TDRD12: variants seen among roughly 807,000 people sequenced by gnomAD.
TDRD12 encodes putative ATP-dependent RNA helicase TDRD12.
Under a neutral mutation model 133.5 loss-of-function variants are expected in TDRD12, and 158 were observed. The ratio of observed to expected loss-of-function variants is 1.18; its 90% CI spans 1.04 to 1.35. The LOEUF (loss-of-function observed/expected upper bound fraction) is 1.35. TDRD12 is among the 40% of genes most tolerant of loss of function. The pLI, the probability that TDRD12 is intolerant of heterozygous loss-of-function variation, is 0.00. For synonymous variants in TDRD12, 460 were observed against 477.9 expected (o/e 0.96, Z 0.49); for missense variants, 1,443 against 1,321.3 (o/e 1.09, Z -1.43).
At chr19:32,809,392 G>T (rs1966920815) in intron 22 of TDRD12, among the ~76,000 whole-genome samples, 3 of 152,272 alleles carry the variant, frequency 2.0e-5, no homozygotes, top group South Asian at 4.2e-4. Context: ...GCTTCCCTCT[G>T]CTTCCTCCTG....
At chr19:32,731,258 C>A (rs1179396721) in intron 1 of TDRD12, among the ~76,000 whole-genome samples, 1 of 151,936 alleles carries the variant, frequency 6.6e-6, no homozygotes, top group East Asian at 1.9e-4. Context: ...CTCTTTCTTA[C>A]AAAAGAAGAA....
chr19:32,777,350 G>A (rs1970612221), intron 11 of TDRD12, 121 bp downstream of exon 11: 1 of 676,392 alleles, frequency 1.5e-6, no homozygotes, highest in Non-Finnish European at 2.4e-6. Context: ...AAAAATAAAT[G>A]TACAGTATAT....
chr19:32,797,836 A>AATTG lies in TDRD12; in HGVS notation c.1575_1576insATTG (p.Leu526IlefsTer8). 1.4e-6 allele frequency: 1 copy of AATTG among 702,524 alleles called. No homozygotes were observed. Among genetic ancestry groups the AATTG allele is most frequent in the Non-Finnish European group, 2.6e-6 (1 of 384,858 alleles). 43.5% of individuals were successfully genotyped at this position (702,524 alleles called of 1,614,324 possible). On this transcript the variant is annotated frameshift_variant, in exon 15 of 28. Transcript: ENST00000444215. LOFTEE classifies it high-confidence loss of function. ...CCTCCAGGCCTCTTCATCCTGTGCT[A>AATTG]TTAACAATTGGGCTCCATAAAGAGG...
intron 9 of TDRD12, 84 bp from the exon 10 acceptor site, chr19:32,773,372 C>A: frequency 8.6e-7 from 1 of 1,167,204 alleles, no homozygotes; most frequent in Non-Finnish European, 1.3e-6. Context: ...ATGAGAATAA[C>A]TCCCATGGAA....
intron 23 of TDRD12, among the ~76,000 whole-genome samples, chr19:32,810,801 T>C (rs1433278819): frequency 6.6e-6 from 1 of 152,100 alleles, no homozygotes; most frequent in Non-Finnish European, 1.5e-5. Context: ...CTGAGGTGAA[T>C]GGATTGCTTG....
At chr19:32,813,656 C>T in intron 24 of TDRD12, 28 bp from the exon 25 acceptor site, 2 of 1,358,612 alleles carry the variant, frequency 1.5e-6, no homozygotes, top group Non-Finnish European at 2.0e-6. Flanking sequence ...AAAGCCTCAC[C>T]TAAAATAATG....
intron 12 of TDRD12, 110 bp downstream of exon 12, chr19:32,790,701 G>GAT: frequency 1.3e-6 from 2 of 1,551,120 alleles, no homozygotes; most frequent in Non-Finnish European, 1.7e-6. Flanking sequence ...AAACTCCTTA[G>GAT]ATGGGGGACT....
intron 11 of TDRD12, 55 bp from the exon 12 acceptor site, chr19:32,790,476 C>T: frequency 6.7e-7 from 1 of 1,500,100 alleles, no homozygotes; most frequent in South Asian, 1.2e-5. Context: ...AAGAATAGCT[C>T]AACTGAGGAA....
At chr19:32,747,392 C>G (rs1000642155) in intron 4 of TDRD12, among the ~76,000 whole-genome samples, 2 of 151,946 alleles carry the variant, frequency 1.3e-5, no homozygotes, top group Non-Finnish European at 2.9e-5. Context: ...TAAAAATAAC[C>G]AACATTTTTG....
At chr19:32,817,988 T>A in intron 26 of TDRD12, 101 bp from the exon 27 acceptor site, 6 of 668,046 alleles carry the variant, frequency 9.0e-6, no homozygotes, top group South Asian at 6.5e-5. Context: ...AAAAAAAGTG[T>A]TTTTACCCAT....
chr19:32,756,124 C>T, exon 7 of TDRD12: 1 of 1,470,822 alleles, frequency 6.8e-7, no homozygotes, highest in Non-Finnish European at 9.0e-7. Context: ...TAAACTCAAT[C>T]CAGCACTTAC....
intron 8 of TDRD12, among the ~76,000 whole-genome samples, chr19:32,772,509 G>C (rs1039479962): frequency 3.9e-5 from 6 of 152,130 alleles, no homozygotes; most frequent in Admixed American, 6.5e-5. Flanking sequence ...AAATACTATT[G>C]TGTTCCGTTA....
chr19:32,796,703 G>A lies in TDRD12; in HGVS notation c.1474-1032G>A, dbSNP rs113039918. Among the ~76,000 whole-genome samples, 31 of 152,254 alleles carry A rather than the reference G, an allele frequency of 2.0e-4. 1 individual carries two copies. Among genetic ancestry groups the A allele is most frequent in the African/African-American group, 7.0e-4 (29 of 41,534 alleles). On this transcript the variant is annotated intron_variant, in intron 14 of 27. Coordinates refer to ENST00000444215, the Ensembl canonical transcript of TDRD12. ...AATGAGAAGCAACTGATGAGAAGTCGCTTATATTGAGGCCGAACCCAGGCT... is the reference window on the plus strand; with the variant it reads ...AATGAGAAGCAACTGATGAGAAGTCACTTATATTGAGGCCGAACCCAGGCT...
chr19:32,782,041 A>C (rs1307032978), intron 11 of TDRD12, among the ~76,000 whole-genome samples: 4 of 151,974 alleles, frequency 2.6e-5, no homozygotes. Context: ...ATAAGTGTAC[A>C]TGTGCCATGG....
intron 3 of TDRD12, among the ~76,000 whole-genome samples, chr19:32,742,069 G>C (rs1969445317): frequency 6.6e-6 from 1 of 151,876 alleles, no homozygotes; most frequent in Admixed American, 6.6e-5. Context: ...CATATATTGA[G>C]ATTGATATTT....
At chr19:32,738,773 A>G (rs1212969252) in intron 2 of TDRD12, 83 bp from the exon 3 acceptor site, 2 of 1,414,560 alleles carry the variant, frequency 1.4e-6, no homozygotes, top group Non-Finnish European at 1.9e-6. Context: ...AGATTGTGCC[A>G]CTGCACTCCA....
chr19:32,806,483 C>G (rs1206983448), intron 21 of TDRD12, among the ~76,000 whole-genome samples: 1 of 151,042 alleles, frequency 6.6e-6, no homozygotes, highest in East Asian at 2.0e-4. Context: ...GCTGGGATCA[C>G]AGGCGTGAAC....
At chr19:32,782,401 A>G (rs901252024) in intron 11 of TDRD12, among the ~76,000 whole-genome samples, 6 of 152,248 alleles carry the variant, frequency 3.9e-5, no homozygotes, top group Admixed American at 2.6e-4. Context: ...AGTCTTTACT[A>G]TTGTGAGTAG....
exon 23 of TDRD12, chr19:32,810,254 A>G (rs758199753): frequency 4.3e-5 from 66 of 1,518,676 alleles, no homozygotes; most frequent in Non-Finnish European, 5.3e-5. Context: ...TGTATGGATT[A>G]GCAGAAAAAA....
Sources: gnomAD v4.1 joint callset for allele counts (sites outside exome capture counted in the v4.1 genomes callset) on GRCh38, gnomAD v4.1.1 for gene constraint, MANE v1.5 for transcripts, NCBI Gene and HGNC (gene_info 2026-07-23, HGNC 2026-07-21) for gene names.